Variants in DPP6 observed in about 807,000 individuals in gnomAD.
The protein encoded by DPP6 is A-type potassium channel modulatory protein DPP6.
A neutral mutation model predicts 122.6 loss-of-function variants in DPP6; 69 were observed. The observed-to-expected ratio is 0.56, with a 90% CI of 0.46 to 0.69. DPP6 has a LOEUF of 0.69. Ranked by LOEUF, DPP6 falls within the 30% of genes least tolerant of loss-of-function variation. DPP6 has a pLI of 0.00. For missense variants in DPP6, 928 were observed against 1,116.9 expected, an observed-to-expected ratio of 0.83 and a Z score of 2.41; for synonymous variants, 418 against 433.1, an observed-to-expected ratio of 0.97 and a Z score of 0.43.
the DPP6 span, among the ~76,000 whole-genome samples, chr7:153,787,456 T>G: frequency 7.1e-6 from 1 of 141,068 alleles, no homozygotes; most frequent in African/African-American, 2.7e-5. Context: ...AATTATACAT[T>G]AACATGTAAA....
At chr7:153,767,874 T>C in the DPP6 span, among the ~76,000 whole-genome samples, 1 of 152,190 alleles carries the variant, frequency 6.6e-6, no homozygotes, top group Admixed American at 6.5e-5. Context: ...AATGAATACC[T>C]GGAACGGATG....
chr7:154,222,574 G>T (rs899780289), intron 1 of DPP6, among the ~76,000 whole-genome samples: 2 of 148,754 alleles, frequency 1.3e-5, no homozygotes, highest in Non-Finnish European at 2.9e-5. Context: ...AGAATCAATT[G>T]AACCCGGGAG....
At chr7:153,838,374 T>C in the DPP6 span, among the ~76,000 whole-genome samples, 211 of 152,292 alleles carry the variant, frequency 1.4e-3, 1 homozygote, top group South Asian at 5.8e-3. Context: ...AGTGGAGATT[T>C]CAGTGAAGAA....
At chr7:153,860,079 G>C in the DPP6 span, among the ~76,000 whole-genome samples, 1 of 152,162 alleles carries the variant, frequency 6.6e-6, no homozygotes, top group East Asian at 1.9e-4. Context: ...ACTCAATTTA[G>C]GTTGCTGTTA....
chr7:154,836,896 A>G (rs1489230774), intron 16 of DPP6, among the ~76,000 whole-genome samples: 1 of 152,058 alleles, frequency 6.6e-6, no homozygotes, highest in African/African-American at 2.4e-5. Context: ...TAGTAGAGAC[A>G]GGGTTTCATC....
rs192944858 is a variant in DPP6 at position 154,677,283 on chromosome 7, C to T, written c.762+7842C>T. On this transcript the variant is annotated intron_variant, in intron 7 of 25. Coordinates refer to ENST00000377770, the MANE Select transcript of DPP6 (RefSeq NM_130797.4). Reference sequence around the variant, plus strand: ...AGAGCGTGAGCCTTCCTTTACCTACCCATGAGCATCTGCCAGTGATCCAGC... The same window carrying T: ...AGAGCGTGAGCCTTCCTTTACCTACTCATGAGCATCTGCCAGTGATCCAGC... 1.5e-3 allele frequency among the ~76,000 whole-genome samples: 235 copies of T among 152,236 alleles called. 2 individuals carry two copies. The highest frequency in any genetic ancestry group is 2.5e-3 in the Non-Finnish European group (172 of 68,010).
intron 25 of DPP6, chr7:154,889,739 C>T (rs1031610094): frequency 4.1e-5 from 31 of 752,704 alleles, no homozygotes; most frequent in Non-Finnish European, 5.1e-5. Context: ...TACTTCAGCC[C>T]GGTTTAAATC....
chr7:153,821,041 T>C, the DPP6 span, among the ~76,000 whole-genome samples: 2 of 151,846 alleles, frequency 1.3e-5, no homozygotes, highest in Non-Finnish European at 2.9e-5. Flanking sequence ...TTGGTGATGA[T>C]AGTGATGGTG....
chr7:154,065,448 C>G (rs1323983409), intron 1 of DPP6, among the ~76,000 whole-genome samples: 2 of 151,638 alleles, frequency 1.3e-5, no homozygotes, highest in African/African-American at 4.9e-5. Context: ...AGCATTCCCC[C>G]CAGTAAGAAC....
At chr7:154,085,831 G>T (rs1449354130) in intron 1 of DPP6, among the ~76,000 whole-genome samples, 1 of 152,110 alleles carries the variant, frequency 6.6e-6, no homozygotes, top group South Asian at 2.1e-4. Flanking sequence ...AGGTTCAAGC[G>T]GTTCTTCTGC....
Position 154,433,136 on chromosome 7 carries a change from G to GTTTTTTTTTTTTTTTTTT in DPP6, c.244-13068_244-13051dup, listed in dbSNP as rs548053204. Among the ~76,000 whole-genome samples, 4 of 72,336 alleles carry GTTTTTTTTTTTTTTTTTT rather than the reference G, an allele frequency of 5.5e-5. 1 individual carries two copies. Among genetic ancestry groups the GTTTTTTTTTTTTTTTTTT allele is most frequent in the African/African-American group, 2.4e-4 (4 of 16,810 alleles). 47.5% of individuals were successfully genotyped at this position (72,336 alleles called of 152,430 possible). On this transcript the variant is annotated intron_variant, in intron 1 of 25. Coordinates refer to ENST00000377770, the MANE Select transcript of DPP6 (RefSeq NM_130797.4). ...TAATGGCTCTCATACTAGACTGCAA[G>GTTTTTTTTTTTTTTTTTT]TTTTTTTTTTTTTTTTTTTTTTTTT... is the stretch of plus-strand genomic sequence containing the variant.
chr7:154,425,604 ATGTG>A (rs56126099), intron 1 of DPP6, among the ~76,000 whole-genome samples: 1 of 128,236 alleles, frequency 7.8e-6, no homozygotes, highest in African/African-American at 3.6e-5. Context: ...GGGGAAAAAA[ATGTG>A]TGTGTGTGTG....
At chr7:154,218,393 A>G (rs1195797377) in intron 1 of DPP6, among the ~76,000 whole-genome samples, 1 of 152,226 alleles carries the variant, frequency 6.6e-6, no homozygotes, top group African/African-American at 2.4e-5. Context: ...TTGATATTAA[A>G]TCAGATTACT....
chr7:154,125,607 T>G (rs147484627), intron 1 of DPP6, among the ~76,000 whole-genome samples: 2,261 of 152,252 alleles, frequency 0.015, 27 homozygotes, highest in Non-Finnish European at 0.022. Flanking sequence ...GCACAGGCTT[T>G]GGTTATTTTA....
chr7:154,024,554 G>C (rs1798881613), intron 1 of DPP6, among the ~76,000 whole-genome samples: 2 of 152,226 alleles, frequency 1.3e-5, no homozygotes. Context: ...TTTGAAAGGT[G>C]GTGTGGTATC....
In DPP6 at chr7:154,863,906, G is replaced by A. The variant is rs937518216; in HGVS notation, c.1715-4089G>A. Among the ~76,000 whole-genome samples the A allele has an allele frequency of 3.3e-5, 5 of 152,220 alleles. No homozygotes were observed. Among genetic ancestry groups the A allele is most frequent in the African/African-American group, 1.2e-4 (5 of 41,548 alleles). ...GGCTCTGGGCCTGAATCTGGTCTTC[G>A]AATATGACTAATGGCCTAGCCCTGG... On this transcript the variant is annotated intron_variant, in intron 17 of 25. Coordinates refer to ENST00000377770, the MANE Select transcript of DPP6 (RefSeq NM_130797.4). This position sits in a 1 kb window ranked among gnomAD's most constrained non-coding sequence, Gnocchi z 4.1.
At chr7:154,413,877 A>G (rs1816811542) in intron 1 of DPP6, among the ~76,000 whole-genome samples, 2 of 152,210 alleles carry the variant, frequency 1.3e-5, no homozygotes, top group Non-Finnish European at 2.9e-5. Flanking sequence ...TTTTTCATGA[A>G]AAGTAGTGAT....
intron 18 of DPP6, among the ~76,000 whole-genome samples, chr7:154,872,151 G>A (rs544854833): frequency 4.0e-4 from 61 of 152,266 alleles, no homozygotes; most frequent in African/African-American, 9.9e-4. Context: ...GCCATGGGCC[G>A]GCACCCTCTC....
chr7:154,353,947 G>A (rs944314212), intron 1 of DPP6, among the ~76,000 whole-genome samples: 2 of 152,190 alleles, frequency 1.3e-5, no homozygotes. Context: ...TGTCCAAGGA[G>A]AATTCTCCCT....
Sources: gnomAD v4.1 joint callset for allele counts (sites outside exome capture counted in the v4.1 genomes callset) on GRCh38, gnomAD v4.1.1 for gene constraint, Gnocchi (gnomAD v3.1) non-coding constraint, MANE v1.5 for transcripts, NCBI Gene and HGNC (gene_info 2026-07-23, HGNC 2026-07-21) for gene names.